TRIM33: variants seen among roughly 807,000 people sequenced by gnomAD.
TRIM33 encodes tripartite motif containing 33.
In TRIM33, 20 loss-of-function variants were observed where a neutral mutation model predicts 125.4. The observed-to-expected ratio is 0.16, with a 90% CI of 0.11 to 0.23. The LOEUF is 0.23. Ranked by LOEUF, TRIM33 falls within the 10% of genes least tolerant of loss-of-function variation. The pLI is 1.00. For missense variants in TRIM33, 920 were observed against 1,411.4 expected (o/e 0.65, Z 5.58); for synonymous variants, 564 against 513.9 (o/e 1.10, Z -1.32).
chr1:114,433,862 C>A, intron 4 of TRIM33, 129 bp from the exon 5 acceptor site: 1 of 544,490 alleles, frequency 1.8e-6, no homozygotes, highest in Non-Finnish European at 3.2e-6. Context: ...GCCACTCATA[C>A]CTTATCTCAA....
At chr1:114,480,507 G>A in intron 1 of TRIM33, among the ~76,000 whole-genome samples, 1 of 109,264 alleles carries the variant, frequency 9.2e-6, no homozygotes, top group Admixed American at 8.7e-5. Context: ...AAGTGAAAAG[G>A]CCCTGCCCCG....
chr1:114,398,070 G>A lies in TRIM33; in HGVS notation c.3121-80C>T, dbSNP rs1357133556. The A allele has an allele frequency of 5.4e-6, 8 of 1,479,144 alleles. No homozygotes were observed. In the African/African-American group the frequency reaches 5.7e-5, roughly 10 times the overall value. 91.6% of individuals were successfully genotyped at this position (1,479,144 alleles called of 1,614,324 possible). A position where few individuals can be genotyped will look rare whatever the true frequency, so the allele number is the denominator to read the frequency against. On this transcript the variant is annotated intron_variant, in intron 18 of 19. Coordinates refer to ENST00000358465, the MANE Select transcript of TRIM33 (RefSeq NM_015906.4). ...AGTTATGAGACTGCATAGGATTGGCGACGAAAAGTCAGCCATACTAGGGAG... is the reference window on the plus strand; with the variant it reads ...AGTTATGAGACTGCATAGGATTGGCAACGAAAAGTCAGCCATACTAGGGAG...
intron 11 of TRIM33, among the ~76,000 whole-genome samples, chr1:114,414,031 A>G (rs1242538891): frequency 3.4e-4 from 41 of 120,266 alleles, no homozygotes; most frequent in Admixed American, 1.9e-3. Flanking sequence ...TCACAGGCAC[A>G]CACACACACA....
At chr1:114,419,726 G>A (rs1383511767) in intron 11 of TRIM33, among the ~76,000 whole-genome samples, 3 of 152,146 alleles carry the variant, frequency 2.0e-5, no homozygotes, top group Non-Finnish European at 2.9e-5. Context: ...TGTATTCAAA[G>A]TTTTCGTTAA....
chr1:114,480,766 C>G (rs1437538521), intron 1 of TRIM33, among the ~76,000 whole-genome samples: 2 of 151,934 alleles, frequency 1.3e-5, no homozygotes, highest in Non-Finnish European at 2.9e-5. Flanking sequence ...TAAAATCCAA[C>G]TATATATCCT....
chr1:114,482,630 T>C (rs569045424), intron 1 of TRIM33, among the ~76,000 whole-genome samples: 7 of 152,312 alleles, frequency 4.6e-5, no homozygotes, highest in African/African-American at 1.7e-4. Context: ...CCAAATCTCA[T>C]GTTGAATTGT....
At chr1:114,422,715 C>A (rs546072095) in intron 10 of TRIM33, among the ~76,000 whole-genome samples, 1 of 151,438 alleles carries the variant, frequency 6.6e-6, no homozygotes, top group Non-Finnish European at 1.5e-5. Context: ...GGGTGTCTGA[C>A]TCCAAAACCT....
chr1:114,511,150 C>T lies in TRIM33; in HGVS notation c.-74G>A. The stretch of plus-strand genomic sequence containing the variant: ...CGTCGCCGCCGCCGCCGCCCCCAGC[C>T]CCAGCCGCAGCCGCAGCAAGAGCGG... On this transcript the variant is annotated 5_prime_UTR_variant, in exon 1 of 20. Coordinates refer to ENST00000358465, the MANE Select transcript of TRIM33 (RefSeq NM_015906.4). The T allele has an allele frequency of 9.5e-7, 1 of 1,053,166 alleles. No homozygotes were observed. The highest frequency in any genetic ancestry group is 4.4e-5 in the South Asian group (1 of 22,880). The allele number at this position is 1,053,166 out of a possible 1,614,324, so 65.2% of individuals were successfully genotyped here. A position where few individuals can be genotyped will look rare whatever the true frequency, so the allele number is the denominator to read the frequency against.
At chr1:114,506,655 A>G (rs1261311232) in intron 1 of TRIM33, among the ~76,000 whole-genome samples, 1 of 152,194 alleles carries the variant, frequency 6.6e-6, no homozygotes, top group African/African-American at 2.4e-5. Context: ...TTTTATTGAT[A>G]AAGTATAAAT....
intron 14 of TRIM33, 38 bp downstream of exon 14, chr1:114,406,903 T>C (rs1488400009): frequency 6.3e-7 from 1 of 1,591,636 alleles, no homozygotes; most frequent in South Asian, 1.1e-5. Flanking sequence ...AATGAAGTGA[T>C]GTCCTTAAGT....
chr1:114,442,957 T>C (rs906766468), intron 4 of TRIM33, among the ~76,000 whole-genome samples: 9 of 152,108 alleles, frequency 5.9e-5, no homozygotes, highest in African/African-American at 2.2e-4. Flanking sequence ...AAATTTAGAA[T>C]TGTGAATATC....
At chr1:114,502,053 TTAGA>T (rs1318193983) in intron 1 of TRIM33, among the ~76,000 whole-genome samples, 3 of 152,212 alleles carry the variant, frequency 2.0e-5, no homozygotes, top group East Asian at 1.9e-4. Flanking sequence ...TGAAGTTGGC[TTAGA>T]TAGACTGTCA....
intron 1 of TRIM33, among the ~76,000 whole-genome samples, chr1:114,496,221 T>C (rs1288055078): frequency 6.6e-6 from 1 of 152,234 alleles, no homozygotes; most frequent in Non-Finnish European, 1.5e-5. Context: ...ATTTACTTTG[T>C]GAGGGATAGT....
chr1:114,446,209 C>G (rs1399643783), intron 4 of TRIM33, among the ~76,000 whole-genome samples: 1 of 151,948 alleles, frequency 6.6e-6, no homozygotes, highest in East Asian at 1.9e-4. Flanking sequence ...TGTCAGCAAA[C>G]CTGCAAAACA....
chr1:114,397,580 G>GTTTTTTT lies in TRIM33; in HGVS notation c.*67_*68insAAAAAAA, dbSNP rs369508223. The GTTTTTTT allele has an allele frequency of 9.3e-7, 1 of 1,074,368 alleles. No individual in the cohort carries two copies. The highest frequency in any genetic ancestry group is 3.4e-5 in the African/African-American group (1 of 29,032). 66.6% of individuals were successfully genotyped at this position (1,074,368 alleles called of 1,614,324 possible). A position where few individuals can be genotyped will look rare whatever the true frequency, so the allele number is the denominator to read the frequency against. On this transcript the variant is annotated 3_prime_UTR_variant, in exon 20 of 20. Coordinates refer to ENST00000358465, the MANE Select transcript of TRIM33 (RefSeq NM_015906.4). ...CCAGCAACACTTAAAAGTTTTCTGG[G>GTTTTTTT]TTTTTTGTGTTTTTTTTTTTTTTTT...
chr1:114,476,886 T>C (rs993966321), intron 1 of TRIM33, among the ~76,000 whole-genome samples: 13 of 152,142 alleles, frequency 8.5e-5, no homozygotes, highest in African/African-American at 3.1e-4. Context: ...AGGAGAGTAA[T>C]GCTTAAAGAA....
At chr1:114,509,015 T>C (rs1210241429) in intron 1 of TRIM33, among the ~76,000 whole-genome samples, 1 of 152,220 alleles carries the variant, frequency 6.6e-6, no homozygotes, top group Non-Finnish European at 1.5e-5. Flanking sequence ...ACCTGATATA[T>C]CATTCCTTTA....
At chr1:114,432,680 G>A (rs1388663154) in intron 5 of TRIM33, among the ~76,000 whole-genome samples, 1 of 152,152 alleles carries the variant, frequency 6.6e-6, no homozygotes, top group Non-Finnish European at 1.5e-5. Flanking sequence ...CAGCTACTCG[G>A]GAGGCTGAGG....
intron 4 of TRIM33, among the ~76,000 whole-genome samples, chr1:114,458,963 C>A (rs148767551): frequency 6.6e-6 from 1 of 152,244 alleles, no homozygotes; most frequent in Admixed American, 6.5e-5. Flanking sequence ...AGTCCAATGA[C>A]ATGGTTTCTG....
Sources: allele counts gnomAD v4.1 joint callset (sites outside exome capture counted in the v4.1 genomes callset), GRCh38; gene constraint gnomAD v4.1.1; transcripts MANE v1.5; gene names NCBI Gene and HGNC (gene_info 2026-07-23, HGNC 2026-07-21).